Variants in EML6 observed in about 807,000 individuals in gnomAD.
The protein encoded by EML6 is echinoderm microtubule-associated protein-like 6.
Under a neutral mutation model 240.1 loss-of-function variants are expected in EML6, and 154 were observed. The observed-to-expected ratio is 0.64, with a 90% CI of 0.56 to 0.73. EML6 has a LOEUF of 0.73. EML6 is among the 30% of genes least tolerant of loss of function. The probability of loss-of-function intolerance (pLI) is 0.00; values close to 1 mark genes in which losing one functional copy is unlikely to be tolerated. For synonymous variants in EML6, 1,148 were observed against 899.0 expected, an observed-to-expected ratio of 1.28 and a Z score of -4.95; for missense variants, 2,964 against 2,474.6, an observed-to-expected ratio of 1.20 and a Z score of -4.20.
intron 24 of EML6, among the ~76,000 whole-genome samples, chr2:54,907,929 TAGATAGATAGATAGATAAGATAGA>T (rs1184635882): frequency 0.011 from 491 of 46,382 alleles, 1 homozygote; most frequent in Admixed American, 0.018. Flanking sequence ...GATAGATAGA[TAGATAGATAGATAGATAAGATAGA>T]TAGATAGATA....
chr2:54,812,927 A>G (rs1177143844), intron 2 of EML6, among the ~76,000 whole-genome samples: 3 of 152,204 alleles, frequency 2.0e-5, no homozygotes, highest in Non-Finnish European at 1.5e-5. Context: ...TAAATTTCAC[A>G]ACATAAAGCA....
chr2:54,795,215 G>C (rs1188564075), intron 2 of EML6, among the ~76,000 whole-genome samples: 1 of 152,152 alleles, frequency 6.6e-6, no homozygotes, highest in Non-Finnish European at 1.5e-5. Context: ...TCACACTTCA[G>C]CATGGGTGGG....
At chr2:54,742,879 A>G (rs1443585236) in intron 2 of EML6, among the ~76,000 whole-genome samples, 1 of 152,222 alleles carries the variant, frequency 6.6e-6, no homozygotes, top group Non-Finnish European at 1.5e-5. Context: ...TTCATCATTG[A>G]TAGGTCTTTG....
chr2:54,826,712 T>C (rs1472904312), intron 5 of EML6, among the ~76,000 whole-genome samples: 2 of 152,220 alleles, frequency 1.3e-5, no homozygotes, highest in African/African-American at 4.8e-5. Flanking sequence ...TATGGTCTTC[T>C]ACACAATGGA....
At chr2:54,810,664 C>T (rs932055509) in intron 2 of EML6, among the ~76,000 whole-genome samples, 5 of 152,172 alleles carry the variant, frequency 3.3e-5, no homozygotes, top group Non-Finnish European at 7.3e-5. Flanking sequence ...TTGCCTATTG[C>T]AGGGGGAGAG....
Position 54,816,783 on chromosome 2 carries a change from T to G in EML6, c.358-4T>G, listed in dbSNP as rs1213563185. 1 of 1,547,182 alleles carries G rather than the reference T, an allele frequency of 6.5e-7. No homozygotes were observed. Among genetic ancestry groups the G allele is most frequent in the Admixed American group, 2.0e-5 (1 of 51,002 alleles). ...AGGTACTAAATTATTGTTCTTATTC[T>G]TAGCGTTTAGCCTCTGTGGGGTTGG... On this transcript the variant is annotated splice_polypyrimidine_tract_variant and splice_region_variant and intron_variant, in intron 3 of 41. Transcript: ENST00000356458.
At chr2:54,901,112 T>C (rs76402320) in intron 22 of EML6, among the ~76,000 whole-genome samples, 3,394 of 152,328 alleles carry the variant, frequency 0.022, 60 homozygotes, top group Non-Finnish European at 0.028. Flanking sequence ...TCTTTCCATG[T>C]AGTCTTTGTA....
intron 23 of EML6, 50 bp downstream of exon 23, chr2:54,903,246 A>T: frequency 6.5e-7 from 1 of 1,529,912 alleles, no homozygotes; most frequent in Non-Finnish European, 8.8e-7. Context: ...TTGGGACAAA[A>T]AATTACAAGA....
chr2:54,843,574 G>A (rs1335592531), intron 7 of EML6, among the ~76,000 whole-genome samples: 1 of 152,128 alleles, frequency 6.6e-6, no homozygotes, highest in Non-Finnish European at 1.5e-5. Context: ...GCTGGGCGTG[G>A]TGGCTCATGC....
At chr2:54,950,603 C>G (rs536160705) in intron 29 of EML6, 47 bp from the exon 30 acceptor site, 19 of 1,547,154 alleles carry the variant, frequency 1.2e-5, no homozygotes, top group Non-Finnish European at 1.6e-5. Context: ...CCTCGGCTCT[C>G]CCTTCCTTCC....
intron 28 of EML6, among the ~76,000 whole-genome samples, chr2:54,946,937 G>C (rs1264146001): frequency 6.6e-6 from 1 of 151,226 alleles, no homozygotes; most frequent in Non-Finnish European, 1.5e-5. Context: ...AAAAAAAAAA[G>C]CATCGGATTG....
At chr2:54,800,090 C>G (rs1282478724) in intron 2 of EML6, among the ~76,000 whole-genome samples, 4 of 151,964 alleles carry the variant, frequency 2.6e-5, no homozygotes. Context: ...ACTAAAATTA[C>G]AAAAATTAGC....
At chr2:54,740,439 C>T (rs1683580702) in intron 2 of EML6, among the ~76,000 whole-genome samples, 1 of 152,054 alleles carries the variant, frequency 6.6e-6, no homozygotes, top group Admixed American at 6.6e-5. Context: ...TGGAAAACGG[C>T]CCAGTGGATT....
chr2:54,741,323 A>G (rs1683618638), intron 2 of EML6, among the ~76,000 whole-genome samples: 3 of 152,304 alleles, frequency 2.0e-5, no homozygotes, highest in South Asian at 4.1e-4. Context: ...AACTTAAACA[A>G]AAAAATTCAG....
chr2:54,933,502 G>A (rs1674968192), intron 28 of EML6, among the ~76,000 whole-genome samples: 1 of 152,150 alleles, frequency 6.6e-6, no homozygotes, highest in African/African-American at 2.4e-5. Context: ...GGGAAGCCAA[G>A]GTGGGCAGAT....
chr2:54,899,114 C>T (rs1372090107), intron 21 of EML6, among the ~76,000 whole-genome samples: 1 of 152,184 alleles, frequency 6.6e-6, no homozygotes. Context: ...TCCTTTACTT[C>T]TGCTCTGCCG....
At position 54,879,657 on chromosome 2, in the gene EML6, A is replaced by T. The variant is rs1288449925; in HGVS notation, c.2438+17A>T. 7.1e-7 allele frequency: 1 copy of T among 1,416,264 alleles called. No individual in the cohort carries two copies. Among genetic ancestry groups the T allele is most frequent in the Admixed American group, 2.0e-5 (1 of 50,726 alleles). 87.7% of individuals were successfully genotyped at this position (1,416,264 alleles called of 1,614,324 possible). ...CACAACAAGGTAAGAAGCTGCCGGG[A>T]TCTTACGGTATCCTGCTGATACCAC... On this transcript the variant is annotated intron_variant, in intron 17 of 41. Coordinates refer to ENST00000356458, the MANE Select transcript of EML6 (RefSeq NM_001039753.4).
At chr2:54,890,634 G>A (rs987066249) in intron 17 of EML6, among the ~76,000 whole-genome samples, 2 of 152,146 alleles carry the variant, frequency 1.3e-5, no homozygotes, top group Non-Finnish European at 2.9e-5. Flanking sequence ...CACAGCAAGA[G>A]TGATTCATGT....
chr2:54,897,004 G>C (rs1672806671), intron 21 of EML6, among the ~76,000 whole-genome samples: 1 of 152,196 alleles, frequency 6.6e-6, no homozygotes, highest in Non-Finnish European at 1.5e-5. Flanking sequence ...TTGTTCTCCA[G>C]CTGTTCTTGC....
Sources: gnomAD v4.1 joint callset for allele counts (sites outside exome capture counted in the v4.1 genomes callset) on GRCh38, gnomAD v4.1.1 for gene constraint, MANE v1.5 for transcripts, NCBI Gene and HGNC (gene_info 2026-07-23, HGNC 2026-07-21) for gene names.